Variants in NUMA1 observed in about 807,000 individuals in gnomAD.
NUMA1 encodes nuclear mitotic apparatus protein 1, also known as SP-H antigen.
Under a neutral mutation model 237.1 loss-of-function variants are expected in NUMA1, and 62 were observed. That is an observed-to-expected ratio of 0.26 (90% confidence interval 0.21 to 0.32). The LOEUF (loss-of-function observed/expected upper bound fraction) is 0.32, where lower values mean the gene tolerates loss of function less well. NUMA1 is among the 10% of genes least tolerant of loss of function. The pLI, the probability that NUMA1 is intolerant of heterozygous loss-of-function variation, is 1.00. For missense variants in NUMA1, 2,533 were observed against 2,666.5 expected, an observed-to-expected ratio of 0.95 and a Z score of 1.10; for synonymous variants, 1,028 against 1,066.1, an observed-to-expected ratio of 0.96 and a Z score of 0.70.
In NUMA1 at chr11:72,004,332, CCTT is replaced by C; in HGVS notation, c.6013_6015del (p.Lys2005del). On this transcript the variant is annotated inframe_deletion, in exon 25 of 27. Transcript: ENST00000393695. ...ATGGGGCGTGGGAAACAGCTGGTGG[CCTT>C]CTTAGACTATGGAGAAGAGGACAGT... 9 of 1,612,318 alleles carry C rather than the reference CCTT, an allele frequency of 5.6e-6. No homozygotes were observed. Among genetic ancestry groups the C allele is most frequent in the Non-Finnish European group, 7.6e-6 (9 of 1,179,558 alleles).
intron 2 of NUMA1, among the ~76,000 whole-genome samples, chr11:72,052,135 G>A (rs917075919): frequency 2.0e-5 from 3 of 152,192 alleles, no homozygotes; most frequent in Non-Finnish European, 2.9e-5. Flanking sequence ...CATTACAGAC[G>A]TAGAGACAAT....
chr11:72,030,412 C>T (rs1261618019), intron 3 of NUMA1, among the ~76,000 whole-genome samples: 1 of 151,884 alleles, frequency 6.6e-6, no homozygotes, highest in Non-Finnish European at 1.5e-5. Context: ...CTGGGAATTT[C>T]AAAGAAAAAC....
At chr11:72,024,125 C>A in intron 5 of NUMA1, 149 bp downstream of exon 5, 1 of 635,266 alleles carries the variant, frequency 1.6e-6, no homozygotes, top group South Asian at 1.9e-5. Flanking sequence ...CCCAGGGGAT[C>A]TGAACCAGCT....
At chr11:72,053,728 C>T (rs1202166689) in intron 2 of NUMA1, among the ~76,000 whole-genome samples, 1 of 152,102 alleles carries the variant, frequency 6.6e-6, no homozygotes, top group Admixed American at 6.6e-5. Context: ...TATGACAGGC[C>T]CTGACAACCA....
rs764678348 is a variant in NUMA1 at position 72,018,254 on chromosome 11, T to C, written c.907A>G (p.Lys303Glu). Residue 303 changes from lysine (K) to glutamate (E), a missense_variant, in exon 12 of 27, where the codon AAG becomes GAG. This residue lies in a region of NUMA1 where 1,414 missense variants were observed against 1,508.1 expected (regional missense o/e 0.94). Coordinates refer to ENST00000393695, the MANE Select transcript of NUMA1 (RefSeq NM_006185.4). ...CGATCCATCTGGCTCTTCTCTGTCT[T>C]CAGGTCCTGGCACTGCTTCAGGGTT... ...HETLKQCQDL[K>E]TEKSQMDRKI... The C allele has an allele frequency of 6.2e-7, 1 of 1,614,206 alleles. No individual in the cohort carries two copies. Among genetic ancestry groups the C allele is most frequent in the South Asian group, 1.1e-5 (1 of 91,082 alleles).
intron 4 of NUMA1, 185 bp from the exon 5 acceptor site, chr11:72,024,538 G>A: frequency 3.4e-6 from 2 of 593,848 alleles, no homozygotes; most frequent in Non-Finnish European, 6.0e-6. Context: ...GAACTGTGTG[G>A]TGGGTGGGAA....
intron 22 of NUMA1, chr11:72,005,717 G>T: frequency 4.0e-6 from 2 of 498,174 alleles, no homozygotes; most frequent in East Asian, 7.4e-5. Flanking sequence ...GAGCTTCCAA[G>T]AAGAGTCTGG....
At chr11:72,048,236 A>C (rs551629278) in intron 2 of NUMA1, among the ~76,000 whole-genome samples, 82 of 152,234 alleles carry the variant, frequency 5.4e-4, no homozygotes, top group African/African-American at 1.9e-3. Context: ...AGCTGGGATA[A>C]TAGGCATGAG....
At chr11:72,004,845 A>G in intron 23 of NUMA1, 29 bp from the exon 24 acceptor site, 1 of 1,536,328 alleles carries the variant, frequency 6.5e-7, no homozygotes, top group Non-Finnish European at 8.7e-7. Flanking sequence ...TGGTCAGTGG[A>G]CCATAGCTGT....
intron 9 of NUMA1, 140 bp downstream of exon 9, chr11:72,019,354 G>T: frequency 8.8e-7 from 1 of 1,133,154 alleles, no homozygotes; most frequent in East Asian, 2.5e-5. Context: ...TTAATACTGG[G>T]TGAGGTGAGG....
At position 72,007,171 on chromosome 11, in the gene NUMA1, C is replaced by CG; in HGVS notation, c.5463+17_5463+18insC. ...AGTGGGAATTGCTGCCCTGCAGCCCCTGTCCCAGCAGCCTGACCTTGGTCA... is the reference window on the plus strand; with the variant it reads ...AGTGGGAATTGCTGCCCTGCAGCCCCGTGTCCCAGCAGCCTGACCTTGGTCA... On this transcript the variant is annotated intron_variant, in intron 21 of 26. Transcript: ENST00000393695. 1 of 1,604,188 alleles carries CG rather than the reference C, an allele frequency of 6.2e-7. No individual in the cohort carries two copies. Among genetic ancestry groups the CG allele is most frequent in the Non-Finnish European group, 8.5e-7 (1 of 1,179,708 alleles).
At chr11:72,016,570 C>G (rs1274255938) in intron 13 of NUMA1, 40 bp from the exon 14 acceptor site, 1 of 1,603,026 alleles carries the variant, frequency 6.2e-7, no homozygotes, top group Non-Finnish European at 8.5e-7. Flanking sequence ...AGAGGGGGAA[C>G]AGGCACCAGA....
At chr11:72,079,142 C>G (rs1467849723) in intron 1 of NUMA1, among the ~76,000 whole-genome samples, 6 of 152,164 alleles carry the variant, frequency 3.9e-5, no homozygotes, top group African/African-American at 1.4e-4. Context: ...CCAAAGCATA[C>G]ATTTATTCCC....
At chr11:72,051,714 C>A (rs770705233) in intron 2 of NUMA1, among the ~76,000 whole-genome samples, 3 of 152,204 alleles carry the variant, frequency 2.0e-5, no homozygotes, top group Non-Finnish European at 4.4e-5. Flanking sequence ...AAGCGATCAG[C>A]CCACCTTGGC....
intron 20 of NUMA1, chr11:72,008,220 A>C (rs1195204456): frequency 9.2e-6 from 4 of 433,106 alleles, no homozygotes; most frequent in Non-Finnish European, 9.1e-6. Context: ...TAGCTATTAG[A>C]ATAATCTTTT....
At chr11:72,078,039 T>G (rs896749890) in intron 1 of NUMA1, among the ~76,000 whole-genome samples, 4 of 152,096 alleles carry the variant, frequency 2.6e-5, no homozygotes, top group Non-Finnish European at 5.9e-5. Flanking sequence ...ATAAACATAT[T>G]TTAATTGTGT....
At chr11:72,056,908 A>T (rs1259083872) in intron 2 of NUMA1, among the ~76,000 whole-genome samples, 3 of 152,058 alleles carry the variant, frequency 2.0e-5, no homozygotes, top group Non-Finnish European at 4.4e-5. Context: ...TTTGTTAATG[A>T]AAACAAAAAT....
chr11:72,006,333 C>G (rs191910748), intron 21 of NUMA1, 70 bp from the exon 22 acceptor site: 1 of 1,367,192 alleles, frequency 7.3e-7, no homozygotes, highest in African/African-American at 1.4e-5. Flanking sequence ...CATTCCCTTC[C>G]GAAGCCCTCA....
chr11:72,012,602 G>A (rs1429831463), intron 15 of NUMA1, among the ~76,000 whole-genome samples, 160 bp from the exon 16 acceptor site: 1 of 152,206 alleles, frequency 6.6e-6, no homozygotes, highest in Admixed American at 6.5e-5. Context: ...CTAATCCCCA[G>A]TGGCTCCTGA....
Sources: gnomAD v4.1 joint callset for allele counts (sites outside exome capture counted in the v4.1 genomes callset) on GRCh38, gnomAD v4.1.1 for gene constraint, gnomAD v4.1.1 regional missense constraint, MANE v1.5 for transcripts, NCBI Gene and HGNC (gene_info 2026-07-23, HGNC 2026-07-21) for gene names.